The following COL19A1 variants were observed in gnomAD, a reference collection of about 807,000 sequenced individuals.
COL19A1 encodes the protein collagen type XIX alpha 1 chain.
COL19A1 carries 159 observed loss-of-function variants against 190.2 expected under a neutral mutation model. The observed-to-expected ratio is 0.84, with a 90% CI of 0.73 to 0.95. The LOEUF is 0.95. Among genes scored for constraint, COL19A1 ranks in the 40% least tolerant of loss-of-function variants. The pLI is 0.00. For synonymous variants in COL19A1, 509 were observed against 458.9 expected (o/e 1.11, Z -1.39); for missense variants, 1,418 against 1,431.9 (o/e 0.99, Z 0.16).
At chr6:70,118,185 C>G (rs1165902063) in intron 16 of COL19A1, among the ~76,000 whole-genome samples, 3 of 152,188 alleles carry the variant, frequency 2.0e-5, no homozygotes, top group Admixed American at 2.0e-4. Flanking sequence ...TGGATCTTCT[C>G]CAGCCATATT....
At chr6:69,926,859 A>T (rs1246050037) in intron 4 of COL19A1, among the ~76,000 whole-genome samples, 1 of 152,150 alleles carries the variant, frequency 6.6e-6, no homozygotes, top group Non-Finnish European at 1.5e-5. Context: ...GAATTTTTAC[A>T]GCAGCAAGAG....
At chr6:70,043,829 T>C (rs1779762167) in intron 14 of COL19A1, among the ~76,000 whole-genome samples, 1 of 152,192 alleles carries the variant, frequency 6.6e-6, no homozygotes, top group South Asian at 2.1e-4. Context: ...AGAATGAGGA[T>C]TGGCTTTACC....
intron 14 of COL19A1, among the ~76,000 whole-genome samples, chr6:70,049,102 C>A (rs1780059699): frequency 6.6e-6 from 1 of 151,688 alleles, no homozygotes; most frequent in African/African-American, 2.4e-5. Context: ...ATTTTAAATT[C>A]CTCACATATC....
At chr6:70,160,426 A>G (rs1787727138) in intron 34 of COL19A1, among the ~76,000 whole-genome samples, 1 of 152,046 alleles carries the variant, frequency 6.6e-6, no homozygotes, top group South Asian at 2.1e-4. Flanking sequence ...TTGGGTAGAG[A>G]CTCAGAGCCA....
chr6:70,062,822 G>A (rs1443193846), intron 14 of COL19A1, among the ~76,000 whole-genome samples: 1 of 151,946 alleles, frequency 6.6e-6, no homozygotes, highest in African/African-American at 2.4e-5. Context: ...AAAGGCAGGG[G>A]TTGCAATCCT....
At chr6:69,904,732 A>C (rs149989319) in intron 4 of COL19A1, among the ~76,000 whole-genome samples, 91 of 152,284 alleles carry the variant, frequency 6.0e-4, no homozygotes, top group Middle Eastern at 3.4e-3. Flanking sequence ...TCAAGGTCAA[A>C]CTTACAGCTG....
chr6:69,936,677 G>C, intron 7 of COL19A1, 108 bp from the exon 8 acceptor site: 1 of 1,428,422 alleles, frequency 7.0e-7, no homozygotes, highest in Non-Finnish European at 9.6e-7. Context: ...GTAAGAAGCA[G>C]TTCTTGCAGG....
intron 3 of COL19A1, 62 bp downstream of exon 3, chr6:69,899,084 A>G: frequency 9.6e-7 from 1 of 1,042,052 alleles, no homozygotes; most frequent in Non-Finnish European, 1.5e-6. Context: ...AATGCTAGAT[A>G]TGGAATACAT....
intron 16 of COL19A1, among the ~76,000 whole-genome samples, chr6:70,115,643 T>C (rs1161064178): frequency 2.6e-5 from 4 of 152,134 alleles, no homozygotes; most frequent in Non-Finnish European, 5.9e-5. Flanking sequence ...TTCACCTATA[T>C]GTGGCCCATG....
intron 21 of COL19A1, 24 bp downstream of exon 21, chr6:70,141,952 T>C: frequency 6.2e-7 from 1 of 1,609,882 alleles, no homozygotes. Context: ...ATTCTTCAAT[T>C]TCCTCTCCAA....
intron 11 of COL19A1, among the ~76,000 whole-genome samples, chr6:69,969,786 T>G (rs899919766): frequency 6.6e-6 from 1 of 152,156 alleles, no homozygotes; most frequent in Non-Finnish European, 1.5e-5. Flanking sequence ...GGCAAGAGTG[T>G]GTATCTCTTC....
intron 42 of COL19A1, among the ~76,000 whole-genome samples, chr6:70,178,367 C>A (rs1765945621): frequency 6.6e-6 from 1 of 152,018 alleles, no homozygotes; most frequent in African/African-American, 2.4e-5. Flanking sequence ...CAGAGCAAGA[C>A]CCTGTCTCAA....
chr6:70,063,433 C>T lies in COL19A1; in HGVS notation c.1171-4990C>T, dbSNP rs541043629. Among the ~76,000 whole-genome samples the T allele has an allele frequency of 4.2e-3, 632 of 151,836 alleles. 11 individuals carry two copies. Among genetic ancestry groups the T allele is most frequent in the African/African-American group, 0.014 (598 of 41,390 alleles). On this transcript the variant is annotated intron_variant, in intron 14 of 50. Coordinates refer to ENST00000620364, the MANE Select transcript of COL19A1 (RefSeq NM_001858.6). ...AAATAAAGATGTTCTTTGAAACCAA[C>T]GAGAACAAAGACACAACATACCAGA...
rs60501043 is a variant in COL19A1, at chr6:69,955,522, AGTGTGTGTGTGTGT to A, written c.937-4443_937-4430del. Among the ~76,000 whole-genome samples the A allele has an allele frequency of 1.5e-4, 21 of 138,968 alleles. No individual in the cohort carries two copies. The East Asian group carries it at 1.9e-3, about 13-fold the overall frequency. The allele number at this position is 138,968 out of a possible 152,430, so 91.2% of individuals were successfully genotyped here. A position where few individuals can be genotyped will look rare whatever the true frequency, so the allele number is the denominator to read the frequency against. ...CAAAACTGTATAGTAGCCACAGCAA[AGTGTGTGTGTGTGT>A]GTGTGTGTGTGTGTGTGTGTGTGTG... On this transcript the variant is annotated intron_variant, in intron 9 of 50. Coordinates refer to ENST00000620364, the MANE Select transcript of COL19A1 (RefSeq NM_001858.6).
intron 12 of COL19A1, among the ~76,000 whole-genome samples, chr6:70,032,578 T>G (rs1030003638): frequency 5.3e-5 from 8 of 152,142 alleles, no homozygotes; most frequent in African/African-American, 1.7e-4. Flanking sequence ...ATGCAATATA[T>G]CCAACTGTTA....
At chr6:70,007,585 C>T (rs9454940) in intron 11 of COL19A1, among the ~76,000 whole-genome samples, 2,552 of 151,664 alleles carry the variant, frequency 0.017, 77 homozygotes, top group African/African-American at 0.058. Context: ...GAAGCAGAGA[C>T]GGACAGAAAT....
chr6:69,876,925 G>A (rs564900939), intron 1 of COL19A1, among the ~76,000 whole-genome samples: 80 of 152,302 alleles, frequency 5.3e-4, no homozygotes, highest in African/African-American at 1.9e-3. Context: ...TATTTAGAAT[G>A]ACACATACAG....
At chr6:70,157,776 A>T (rs913025765) in intron 34 of COL19A1, among the ~76,000 whole-genome samples, 8 of 152,140 alleles carry the variant, frequency 5.3e-5, no homozygotes, top group African/African-American at 1.9e-4. Flanking sequence ...ACAATAACTG[A>T]TTTTCATAGT....
At chr6:69,941,690 CT>C (rs534792473) in intron 9 of COL19A1, among the ~76,000 whole-genome samples, 12,109 of 130,432 alleles carry the variant, frequency 0.093, 594 homozygotes, top group Middle Eastern at 0.16. Flanking sequence ...GTGCTAGTTG[CT>C]TTTTTTTTTT....
Sources: gnomAD v4.1 joint callset for allele counts (sites outside exome capture counted in the v4.1 genomes callset) on GRCh38, gnomAD v4.1.1 for gene constraint, MANE v1.5 for transcripts, NCBI Gene and HGNC (gene_info 2026-07-23, HGNC 2026-07-21) for gene names.